The following CCNJ variants were observed in gnomAD, a reference collection of about 807,000 sequenced individuals.
The protein encoded by CCNJ is cyclin-J.
In CCNJ, 12 loss-of-function variants were observed where a neutral mutation model predicts 41.4. That is an observed-to-expected ratio of 0.29 (90% CI 0.19 to 0.47). CCNJ has a LOEUF of 0.47. CCNJ is among the 20% of genes least tolerant of loss of function. The probability of loss-of-function intolerance (pLI) is 1.00; values close to 1 mark genes in which losing one functional copy is unlikely to be tolerated. For synonymous variants in CCNJ, 161 were observed against 173.4 expected, an observed-to-expected ratio of 0.93 and a Z score of 0.56; for missense variants, 340 against 464.6, an observed-to-expected ratio of 0.73 and a Z score of 2.47.
intron 3 of CCNJ, among the ~76,000 whole-genome samples, chr10:96,053,116 T>C (rs146438155): frequency 1.8e-4 from 28 of 151,942 alleles, no homozygotes; most frequent in African/African-American, 6.3e-4. Flanking sequence ...TGGCCAAAGA[T>C]GGAGCATACC....
chr10:96,043,791 G>T (rs1354565551), intron 1 of CCNJ, 72 bp downstream of exon 1: 1 of 386,188 alleles, frequency 2.6e-6, no homozygotes, highest in Non-Finnish European at 4.6e-6. Context: ...ACCCTCCCGG[G>T]GTGAGGCGCA....
intron 2 of CCNJ, among the ~76,000 whole-genome samples, chr10:96,049,082 T>C (rs34846723): frequency 0.12 from 18,294 of 152,224 alleles, 1,157 homozygotes; most frequent in Middle Eastern, 0.17. Context: ...CTAACACTTA[T>C]GATTATCTGG....
At chr10:96,046,573 C>T (rs1013615333) in intron 2 of CCNJ, among the ~76,000 whole-genome samples, 1 of 152,194 alleles carries the variant, frequency 6.6e-6, no homozygotes, top group African/African-American at 2.4e-5. Context: ...TCCTTGCCTT[C>T]ATAGTCTAAC....
rs1271882659 is a variant in CCNJ at position 96,057,140 on chromosome 10, T to G, written c.633T>G (p.Ala211=). 6.2e-7 allele frequency: 1 copy of G among 1,614,056 alleles called. No homozygotes were observed. Among genetic ancestry groups the G allele is most frequent in the African/African-American group, 1.3e-5 (1 of 74,936 alleles). Residue 211 remains alanine (A), a synonymous_variant, in exon 5 of 6, where the codon GCT becomes GCG. Transcript: ENST00000465148. ...CTTTAGTAGCTGCTGCATGTGTGGC[T>G]TCTTCGAGGATTATACTTCGTCTTT... is the stretch of plus-strand genomic sequence containing the variant. ...APSLVAAACV[A]SSRIILRLSP... is the part of the protein sequence containing the mutation.
At position 96,043,639 on chromosome 10, in the gene CCNJ, C is replaced by G. The variant is rs1022925164; in HGVS notation, c.-122C>G. ...GGCTCTAGCTGAGGCCGGCGCTTAGCGGCCCACTGTCCGCAGCATGAGCGG... is the reference window on the plus strand; with the variant it reads ...GGCTCTAGCTGAGGCCGGCGCTTAGGGGCCCACTGTCCGCAGCATGAGCGG... On this transcript the variant is annotated 5_prime_UTR_variant, in exon 1 of 6. Coordinates refer to ENST00000465148, the MANE Select transcript of CCNJ (RefSeq NM_001134375.2). The G allele has an allele frequency of 7.6e-6, 3 of 394,924 alleles. No individual in the cohort carries two copies. Among genetic ancestry groups the G allele is most frequent in the Non-Finnish European group, 1.3e-5 (3 of 223,582 alleles). 24.5% of individuals were successfully genotyped at this position (394,924 alleles called of 1,614,324 possible).
intron 3 of CCNJ, 138 bp from the exon 4 acceptor site, chr10:96,056,563 A>G (rs1449996244): frequency 7.7e-6 from 5 of 645,358 alleles, no homozygotes; most frequent in Non-Finnish European, 1.4e-5. Flanking sequence ...GTTCTGGCAC[A>G]ATTGTATCTG....
At chr10:96,043,579 C>T (rs190391349), upstream of CCNJ, 558 of 395,166 alleles carry the variant, frequency 1.4e-3, 1 homozygote, top group African/African-American at 0.01. Flanking sequence ...CCTGCCGGTC[C>T]TTTAACAATG....
rs905997599 is a variant in CCNJ at position 96,058,748 on chromosome 10, C to T, written c.*507C>T. On this transcript the variant is annotated 3_prime_UTR_variant, in exon 6 of 6. Transcript: ENST00000465148. ...ATGAATTTTTGACTAAGTTTAAACTCATGAATTGTTATGCTATACCAATCT... is the reference window on the plus strand; with the variant it reads ...ATGAATTTTTGACTAAGTTTAAACTTATGAATTGTTATGCTATACCAATCT... 2.7e-5 allele frequency: 10 copies of T among 365,626 alleles called. No individual in the cohort carries two copies. Among genetic ancestry groups the T allele is most frequent in the Non-Finnish European group, 4.8e-5 (10 of 206,236 alleles). The allele number at this position is 365,626 out of a possible 1,614,324, so 22.6% of individuals were successfully genotyped here.
At position 96,057,862 on chromosome 10, in the gene CCNJ, A is replaced by T. The variant is rs780608358; in HGVS notation, c.773A>T (p.Lys258Ile). The T allele has an allele frequency of 1.9e-6, 3 of 1,614,144 alleles. No individual in the cohort carries two copies. The highest frequency in any genetic ancestry group is 2.5e-6 in the Non-Finnish European group (3 of 1,179,990). ...AHDNDVKEAN[K>I]QRGQAGPQSA... ...GATAATGATGTGAAAGAAGCAAACAAACAGAGAGGGCAAGCAGGACCTCAG... is the reference window on the plus strand; with the variant it reads ...GATAATGATGTGAAAGAAGCAAACATACAGAGAGGGCAAGCAGGACCTCAG... The change falls in exon 6 of 6, where the codon AAA becomes ATA. Residue 258 changes from lysine (K) to isoleucine (I), a missense_variant. Transcript: ENST00000465148.
rs374149036 is a variant in CCNJ, at chr10:96,052,106, G to A, written c.280+1640G>A. Among the ~76,000 whole-genome samples, 76 of 152,204 alleles carry A rather than the reference G, an allele frequency of 5.0e-4. No homozygotes were observed. The South Asian group carries it at 9.7e-3, about 20-fold the overall frequency. On this transcript the variant is annotated intron_variant, in intron 3 of 5. Coordinates refer to ENST00000465148, the MANE Select transcript of CCNJ (RefSeq NM_001134375.2). ...ACTCATCCCTCATCCCCCTACCCAGGAGCCAGAGAGGTAATGCTTGTACAT... is the reference window on the plus strand; with the variant it reads ...ACTCATCCCTCATCCCCCTACCCAGAAGCCAGAGAGGTAATGCTTGTACAT...
rs1458575796 is a variant in CCNJ at position 96,058,756 on chromosome 10, G to A, written c.*515G>A. 2.8e-6 allele frequency: 1 copy of A among 356,550 alleles called. No individual in the cohort carries two copies. Among genetic ancestry groups the A allele is most frequent in the Non-Finnish European group, 5.0e-6 (1 of 200,672 alleles). The allele number at this position is 356,550 out of a possible 1,614,324, so 22.1% of individuals were successfully genotyped here. On this transcript the variant is annotated 3_prime_UTR_variant, in exon 6 of 6. Coordinates refer to ENST00000465148, the MANE Select transcript of CCNJ (RefSeq NM_001134375.2). The stretch of plus-strand genomic sequence containing the variant: ...TTGACTAAGTTTAAACTCATGAATT[G>A]TTATGCTATACCAATCTGCAGTAAA...
Position 96,059,276 on chromosome 10 carries a change from A to G in CCNJ, c.*1035A>G, listed in dbSNP as rs1188016337. The G allele has an allele frequency of 1.3e-5, 2 of 152,686 alleles. No homozygotes were observed. The highest frequency in any genetic ancestry group is 2.9e-5 in the Non-Finnish European group (2 of 68,050). The allele number at this position is 152,686 out of a possible 1,614,324, so 9.5% of individuals were successfully genotyped here. A position where few individuals can be genotyped will look rare whatever the true frequency, so the allele number is the denominator to read the frequency against. ...GTTTATTTTGGAAGGGACTGTGGCC[A>G]GGGTAGTTCTCAGGTTGTGCTAGAG... On this transcript the variant is annotated 3_prime_UTR_variant, in exon 6 of 6. Transcript: ENST00000465148.
chr10:96,054,321 T>G (rs1416464505), intron 3 of CCNJ, among the ~76,000 whole-genome samples: 1 of 152,188 alleles, frequency 6.6e-6, no homozygotes. Context: ...AACATAGGCA[T>G]AGCAGTGAGC....
chr10:96,057,185 A>T lies in CCNJ; in HGVS notation c.678A>T (p.Arg226Ser), dbSNP rs1369733220. Residue 226 changes from arginine to serine, a missense_variant, in exon 5 of 6, where the codon AGA (arginine) becomes AGT (serine). Around this residue, in one of 3 missense-constraint regions of CCNJ, gnomAD observed 137 missense variants for 252.9 expected, o/e 0.54. Transcript: ENST00000465148. Reference protein sequence around the residue: ...ILRLSPTWPTRLHRLTAYSWD... With the variant: ...ILRLSPTWPTSLHRLTAYSWD... ...GTCTTTCTCCAACGTGGCCTACAAG[A>T]CTACATCGTCTTACTGCCTACTCTT... 1 of 1,614,046 alleles carries T rather than the reference A, an allele frequency of 6.2e-7. No homozygotes were observed. The highest frequency in any genetic ancestry group is 8.5e-7 in the Non-Finnish European group (1 of 1,179,898).
Position 96,044,429 on chromosome 10 carries a change from G to A in CCNJ, c.36G>A (p.Leu12=). 6.4e-7 allele frequency: 1 copy of A among 1,563,134 alleles called. No homozygotes were observed. The highest frequency in any genetic ancestry group is 8.7e-7 in the Non-Finnish European group (1 of 1,150,062). Reference sequence around the variant, plus strand: ...AGGGGCAGTGGTGGCGAGGACAGCTGGCCGCCGATATTCACCAAGCGCTTC... The same window carrying A: ...AGGGGCAGTGGTGGCGAGGACAGCTAGCCGCCGATATTCACCAAGCGCTTC... ...ELEGQWWRGQ[L]AADIHQALRY... Residue 12 remains leucine, a synonymous_variant, in exon 2 of 6, where the codon CTG becomes CTA. Transcript: ENST00000465148.
In CCNJ at chr10:96,060,247, G is replaced by T. The variant is rs1199103761; in HGVS notation, c.*2006G>T. The T allele has an allele frequency of 1.3e-5, 2 of 152,580 alleles. No homozygotes were observed. The highest frequency in any genetic ancestry group is 4.8e-5 in the African/African-American group (2 of 41,422). The allele number at this position is 152,580 out of a possible 1,614,324, so 9.5% of individuals were successfully genotyped here. A position where few individuals can be genotyped will look rare whatever the true frequency, so the allele number is the denominator to read the frequency against. On this transcript the variant is annotated 3_prime_UTR_variant, in exon 6 of 6. Coordinates refer to ENST00000465148, the MANE Select transcript of CCNJ (RefSeq NM_001134375.2). ...TAATGCTATGAATGTAAGATATTGG[G>T]ATAGAGATCCCAACTTGAAACAACA...
Position 96,057,972 on chromosome 10 carries a change from C to G in CCNJ, c.883C>G (p.His295Asp). The change falls in exon 6 of 6, where the codon CAT (histidine) becomes GAT (aspartate). Residue 295 changes from histidine to aspartate, a missense_variant. Physicochemically the swap from His to Asp is moderately conservative, Grantham distance 81 (BLOSUM62 -1). This residue lies in a region of CCNJ where 159 missense variants were observed against 168.2 expected (regional missense o/e 0.95). Transcript: ENST00000465148. ...GCAACCTCAGTATCTCCATCAGACA[C>G]ATCAGACCTCACTGCAGTATCGCCA... The part of the protein sequence containing the change: ...FQQPQYLHQT[H>D]QTSLQYRHPT... The G allele has an allele frequency of 6.2e-7, 1 of 1,614,200 alleles. No homozygotes were observed. Among genetic ancestry groups the G allele is most frequent in the Non-Finnish European group, 8.5e-7 (1 of 1,180,028 alleles).
In CCNJ at chr10:96,044,373, C is replaced by T; in HGVS notation, c.-21C>T. The T allele has an allele frequency of 6.6e-7, 1 of 1,509,832 alleles. No homozygotes were observed. Among genetic ancestry groups the T allele is most frequent in the African/African-American group, 1.4e-5 (1 of 70,798 alleles). 93.5% of individuals were successfully genotyped at this position (1,509,832 alleles called of 1,614,324 possible). On this transcript the variant is annotated 5_prime_UTR_variant, in exon 2 of 6. Coordinates refer to ENST00000465148, the MANE Select transcript of CCNJ (RefSeq NM_001134375.2). ...TACAGACTCGAGTTGCCGCGTCGGG[C>T]TGGGCGCGCCGCCGGGTCCCATGGA...
chr10:96,052,468 A>G (rs1294912228), intron 3 of CCNJ, among the ~76,000 whole-genome samples: 1 of 152,208 alleles, frequency 6.6e-6, no homozygotes, highest in Non-Finnish European at 1.5e-5. Flanking sequence ...CACCTGCTCT[A>G]TGCCTGTGAT....
Sources: gnomAD v4.1 joint callset for allele counts (sites outside exome capture counted in the v4.1 genomes callset) on GRCh38, gnomAD v4.1.1 for gene constraint, gnomAD v4.1.1 regional missense constraint, MANE v1.5 for transcripts, NCBI Gene and HGNC (gene_info 2026-07-23, HGNC 2026-07-21) for gene names.